The following NT5M variants were observed in gnomAD, a reference collection of about 807,000 sequenced individuals.
NT5M encodes the protein 5',3'-nucleotidase, mitochondrial, also known as 5'(3')-deoxyribonucleotidase, mitochondrial.
A neutral mutation model predicts 22.2 loss-of-function variants in NT5M; 22 were observed. The observed-to-expected ratio is 0.99, with a 90% CI of 0.71 to 1.41. The LOEUF is 1.41. Ranked by LOEUF, NT5M falls within the 40% of genes most tolerant of loss-of-function variation. The probability of loss-of-function intolerance (pLI) is 0.00; values close to 1 mark genes in which losing one functional copy is unlikely to be tolerated. For synonymous variants in NT5M, 167 were observed against 133.0 expected (o/e 1.26, Z -1.76); for missense variants, 322 against 314.8 (o/e 1.02, Z -0.17).
At chr17:17,344,033 G>A (rs556252051) in intron 3 of NT5M, among the ~76,000 whole-genome samples, 8 of 152,286 alleles carry the variant, frequency 5.3e-5, no homozygotes, top group Admixed American at 4.6e-4. Flanking sequence ...CCAGGGAATC[G>A]AGGCAAAGGG....
At chr17:17,313,606 C>T (rs2048964269) in intron 2 of NT5M, among the ~76,000 whole-genome samples, 1 of 152,254 alleles carries the variant, frequency 6.6e-6, no homozygotes, top group Non-Finnish European at 1.5e-5. Flanking sequence ...TATCCAGCAT[C>T]TGCTGCATGC....
At chr17:17,340,699 G>GT (rs1469234705) in intron 3 of NT5M, among the ~76,000 whole-genome samples, 11 of 151,664 alleles carry the variant, frequency 7.3e-5, no homozygotes, top group East Asian at 1.9e-4. Context: ...GCTTATTTTT[G>GT]TTTTTTTAGT....
intron 3 of NT5M, among the ~76,000 whole-genome samples, chr17:17,329,989 CAA>C (rs1217042942): frequency 6.6e-6 from 1 of 151,396 alleles, no homozygotes; most frequent in East Asian, 1.9e-4. Flanking sequence ...CAAAAACAAA[CAA>C]AACAAAACAA....
intron 3 of NT5M, among the ~76,000 whole-genome samples, chr17:17,330,533 G>A (rs2049357562): frequency 6.6e-6 from 1 of 151,332 alleles, no homozygotes; most frequent in Non-Finnish European, 1.5e-5. Flanking sequence ...CTGCCACCAT[G>A]CCCGGCTAAT....
Position 17,303,416 on chromosome 17 carries a change from C to T in NT5M, c.-135C>T, listed in dbSNP as rs1241165179. On this transcript the variant is annotated 5_prime_UTR_variant, in exon 1 of 5. Transcript: ENST00000389022. ...GCGCGCCCGCACCCCGCGCTCCCCG[C>T]CCCGCTCCCCGTCCCGCGCTCCACG... The T allele has an allele frequency of 4.1e-6, 4 of 976,368 alleles. No individual in the cohort carries two copies. The highest frequency in any genetic ancestry group is 3.5e-5 in the African/African-American group (2 of 57,078). The allele number at this position is 976,368 out of a possible 1,614,324, so 60.5% of individuals were successfully genotyped here.
At chr17:17,304,474 CTTGG>C (rs1413561977) in intron 1 of NT5M, 7 of 978,166 alleles carry the variant, frequency 7.2e-6, no homozygotes, top group African/African-American at 1.8e-5. Context: ...ACACACAGAT[CTTGG>C]TTGGTAAATT....
rs187437715 is a variant in NT5M, at chr17:17,331,502, A to C, written c.429+8257A>C. Among the ~76,000 whole-genome samples, 78 of 151,848 alleles carry C rather than the reference A, an allele frequency of 5.1e-4. 1 individual carries two copies. Among genetic ancestry groups the C allele is most frequent in the African/African-American group, 1.8e-3 (76 of 41,118 alleles). ...AAATTGGCTGTTCAGATGGCTAATA[A>C]TTCCAAAGCTAACTCACTCCTTCTA... On this transcript the variant is annotated intron_variant, in intron 3 of 4. Transcript: ENST00000389022.
At chr17:17,306,517 G>A in intron 1 of NT5M, 26 bp from the exon 2 acceptor site, 1 of 1,556,060 alleles carries the variant, frequency 6.4e-7, no homozygotes. Flanking sequence ...GACCCTGGAA[G>A]TAACTTGCTT....
intron 3 of NT5M, among the ~76,000 whole-genome samples, chr17:17,335,527 C>T (rs937911627): frequency 2.6e-5 from 4 of 152,242 alleles, no homozygotes; most frequent in African/African-American, 7.2e-5. Flanking sequence ...TACAGGCATG[C>T]AATGTGTAAC....
intron 4 of NT5M, chr17:17,345,396 G>C (rs1240260708): frequency 2.3e-6 from 1 of 425,924 alleles, no homozygotes; most frequent in Non-Finnish European, 3.2e-6. Context: ...AGGGAGATGG[G>C]CGTGGTGACT....
intron 2 of NT5M, among the ~76,000 whole-genome samples, chr17:17,321,827 A>G (rs1363455295): frequency 6.6e-6 from 1 of 151,876 alleles, no homozygotes; most frequent in Non-Finnish European, 1.5e-5. Context: ...AAGCTGGGAC[A>G]AGGAGGGTGT....
chr17:17,317,993 A>G lies in NT5M; in HGVS notation c.369-5192A>G, dbSNP rs564968991. 9.1e-5 allele frequency among the ~76,000 whole-genome samples: 8 copies of G among 88,286 alleles called. No homozygotes were observed. In the South Asian group the frequency reaches 3.0e-3, roughly 34 times the overall value. 57.9% of individuals were successfully genotyped at this position (88,286 alleles called of 152,430 possible). A position where few individuals can be genotyped will look rare whatever the true frequency, so the allele number is the denominator to read the frequency against. ...AAAAAAAAAAAAAAAAGTTAGACATAGACTCACTGTATGAGCCAGCAATTC... is the reference window on the plus strand; with the variant it reads ...AAAAAAAAAAAAAAAAGTTAGACATGGACTCACTGTATGAGCCAGCAATTC... On this transcript the variant is annotated intron_variant, in intron 2 of 4. Coordinates refer to ENST00000389022, the MANE Select transcript of NT5M (RefSeq NM_020201.4).
chr17:17,318,512 G>A (rs574246460), intron 2 of NT5M, among the ~76,000 whole-genome samples: 6 of 140,972 alleles, frequency 4.3e-5, no homozygotes, highest in African/African-American at 7.8e-5. Flanking sequence ...AAGTCTGGGC[G>A]CAGTGGCTCA....
intron 3 of NT5M, among the ~76,000 whole-genome samples, chr17:17,325,345 C>T (rs1461922993): frequency 6.6e-6 from 1 of 152,026 alleles, no homozygotes; most frequent in Non-Finnish European, 1.5e-5. Flanking sequence ...CCCGATGTAT[C>T]TGTCCCTGGG....
chr17:17,304,298 G>T (rs1567876559), intron 1 of NT5M: 4 of 523,284 alleles, frequency 7.6e-6, no homozygotes, highest in Non-Finnish European at 9.4e-6. Context: ...TGACTTTCTG[G>T]GGGTCACACA....
chr17:17,308,587 G>A (rs928967255), intron 2 of NT5M, among the ~76,000 whole-genome samples: 48 of 151,382 alleles, frequency 3.2e-4, no homozygotes, highest in African/African-American at 1.0e-3. Flanking sequence ...GTGAAACTCT[G>A]TCTCAAAAAA....
intron 2 of NT5M, among the ~76,000 whole-genome samples, chr17:17,315,152 A>G (rs55928004): frequency 0.51 from 77,212 of 152,088 alleles, 22,106 homozygotes; most frequent in Non-Finnish European, 0.62. Flanking sequence ...TTTTTTAACA[A>G]TTTTGGAGGA....
intron 2 of NT5M, among the ~76,000 whole-genome samples, chr17:17,314,706 G>A (rs915916034): frequency 9.2e-5 from 14 of 152,098 alleles, no homozygotes; most frequent in African/African-American, 2.7e-4. Flanking sequence ...CTCCTGTCAC[G>A]CTGGCTTCTT....
At chr17:17,338,477 G>A (rs1478542289) in intron 3 of NT5M, among the ~76,000 whole-genome samples, 1 of 152,148 alleles carries the variant, frequency 6.6e-6, no homozygotes, top group Non-Finnish European at 1.5e-5. Context: ...TCAGGCATGA[G>A]CCACTGCGCC....
Sources: gnomAD v4.1 joint callset for allele counts (sites outside exome capture counted in the v4.1 genomes callset) on GRCh38, gnomAD v4.1.1 for gene constraint, MANE v1.5 for transcripts, NCBI Gene and HGNC (gene_info 2026-07-23, HGNC 2026-07-21) for gene names.